The following SLC7A1 variants were observed in gnomAD, a reference collection of about 807,000 sequenced individuals.
SLC7A1 encodes the protein high affinity cationic amino acid transporter 1.
A neutral mutation model predicts 53.9 loss-of-function variants in SLC7A1; 10 were observed. The ratio of observed to expected loss-of-function variants is 0.19; its 90% CI spans 0.11 to 0.31. The LOEUF (loss-of-function observed/expected upper bound fraction) is 0.31, where lower values mean the gene tolerates loss of function less well. Ranked by LOEUF, SLC7A1 falls within the 10% of genes least tolerant of loss-of-function variation. The pLI is 1.00. For missense variants in SLC7A1, 525 were observed against 827.2 expected (o/e 0.63, Z 4.48); for synonymous variants, 342 against 338.7 (o/e 1.01, Z -0.11).
intron 4 of SLC7A1, among the ~76,000 whole-genome samples, chr13:29,532,554 C>T (rs1245779229): frequency 6.6e-6 from 1 of 152,188 alleles, no homozygotes; most frequent in Admixed American, 6.5e-5. Flanking sequence ...AAATCTTATT[C>T]CACAAACAGC....
chr13:29,541,521 C>T (rs1005812225), intron 2 of SLC7A1, among the ~76,000 whole-genome samples: 2 of 152,100 alleles, frequency 1.3e-5, no homozygotes, highest in East Asian at 1.9e-4. Flanking sequence ...CCAATTTGGG[C>T]GTGAGGGGCA....
chr13:29,516,081 A>G, intron 12 of SLC7A1, 57 bp downstream of exon 12: 1 of 1,054,402 alleles, frequency 9.5e-7, no homozygotes, highest in African/African-American at 1.6e-5. Flanking sequence ...ATCTGAAACA[A>G]GGGAGACCCC....
intron 1 of SLC7A1, among the ~76,000 whole-genome samples, chr13:29,559,857 A>G (rs887902366): frequency 4.0e-5 from 6 of 151,852 alleles, no homozygotes; most frequent in Non-Finnish European, 8.8e-5. Context: ...CTGGGACTAC[A>G]GGCGCCCGCC....
intron 1 of SLC7A1, among the ~76,000 whole-genome samples, chr13:29,555,357 CAAAAAAAAAAAAAAAAA>C (rs538934310): frequency 5.3e-5 from 1 of 18,780 alleles, no homozygotes; most frequent in Non-Finnish European, 1.2e-4. Context: ...GACTCCGTCT[CAAAAAAAAAAAAAAAAA>C]AAAAAAAGAA....
intron 1 of SLC7A1, among the ~76,000 whole-genome samples, chr13:29,584,422 C>T (rs1267306113): frequency 1.3e-5 from 2 of 152,180 alleles, no homozygotes; most frequent in African/African-American, 2.4e-5. Context: ...GCTGGGATTA[C>T]AGGTATGAGC....
At chr13:29,588,015 T>C (rs1871958284) in intron 1 of SLC7A1, among the ~76,000 whole-genome samples, 1 of 152,262 alleles carries the variant, frequency 6.6e-6, no homozygotes, top group African/African-American at 2.4e-5. Flanking sequence ...CTCCTTCTTT[T>C]AATTTTCTGT....
At chr13:29,594,556 G>C (rs9508501) in intron 1 of SLC7A1, among the ~76,000 whole-genome samples, 9 of 152,222 alleles carry the variant, frequency 5.9e-5, no homozygotes, top group Non-Finnish European at 8.8e-5. Flanking sequence ...GCAGGTTTTA[G>C]AATGACTCTG....
At chr13:29,549,061 T>C (rs1456118968) in intron 2 of SLC7A1, among the ~76,000 whole-genome samples, 1 of 152,238 alleles carries the variant, frequency 6.6e-6, no homozygotes, top group African/African-American at 2.4e-5. Context: ...CTTGCCTGTC[T>C]TCAGTCTTCA....
At chr13:29,547,775 C>T (rs757859120) in intron 2 of SLC7A1, among the ~76,000 whole-genome samples, 4 of 152,176 alleles carry the variant, frequency 2.6e-5, no homozygotes, top group Non-Finnish European at 4.4e-5. Flanking sequence ...AGCTGATAAG[C>T]GGGTACACGG....
At chr13:29,553,587 C>T (rs1870298709) in intron 2 of SLC7A1, among the ~76,000 whole-genome samples, 174 bp downstream of exon 2, 1 of 152,172 alleles carries the variant, frequency 6.6e-6, no homozygotes, top group Non-Finnish European at 1.5e-5. Flanking sequence ...CAGGTAGCCA[C>T]ATGAGTCTGA....
In SLC7A1 at chr13:29,535,826, G is replaced by A; in HGVS notation, c.363C>T (p.Tyr121=). The change falls in exon 3 of 13, where the codon TAC becomes TAT. Residue 121 remains tyrosine (Y), a synonymous_variant. Coordinates refer to ENST00000380752, the MANE Select transcript of SLC7A1 (RefSeq NM_003045.5). The stretch of plus-strand genomic sequence containing the variant: ...CGGACCCCTGGGACCTACCGATGAT[G>A]TAGGAGAGGATTAAGTTCCAGCCGG... ...FITGWNLILS[Y]IIGTSSVARA... The A allele has an allele frequency of 6.2e-7, 1 of 1,613,682 alleles. No individual in the cohort carries two copies. The highest frequency in any genetic ancestry group is 8.5e-7 in the Non-Finnish European group (1 of 1,179,614).
At chr13:29,516,402 CCACACACAGCCCGCACCCAAA>C (rs1423797244) in intron 11 of SLC7A1, among the ~76,000 whole-genome samples, 156 bp from the exon 12 acceptor site, 1 of 152,160 alleles carries the variant, frequency 6.6e-6, no homozygotes, top group East Asian at 1.9e-4. Flanking sequence ...CTCCCACACC[CCACACACAGCCCGCACCCAAA>C]CACACACACA....
chr13:29,576,292 T>TAAAAAAA lies in SLC7A1; in HGVS notation c.-115+19123_-115+19124insTTTTTTT, dbSNP rs146432104. ...GGGTATCAGTATGAGATCCTGTTTT[T>TAAAAAAA]TAAAAAAAAAAAAAAGGAAAGAAAA... is the stretch of plus-strand genomic sequence containing the variant. On this transcript the variant is annotated intron_variant, in intron 1 of 12. Transcript: ENST00000380752. Among the ~76,000 whole-genome samples, 855 of 107,154 alleles carry TAAAAAAA rather than the reference T, an allele frequency of 8.0e-3. 21 individuals carry two copies. The highest frequency in any genetic ancestry group is 8.5e-3 in the Non-Finnish European group (500 of 58,906). 70.3% of individuals were successfully genotyped at this position (107,154 alleles called of 152,430 possible).
chr13:29,549,327 G>A (rs995515499), intron 2 of SLC7A1, among the ~76,000 whole-genome samples: 8 of 152,204 alleles, frequency 5.3e-5, no homozygotes, highest in Non-Finnish European at 1.2e-4. Flanking sequence ...TGCGGGACCA[G>A]TGCCATTCCT....
chr13:29,592,183 C>A (rs1457432526), intron 1 of SLC7A1, among the ~76,000 whole-genome samples: 1 of 152,166 alleles, frequency 6.6e-6, no homozygotes, highest in Non-Finnish European at 1.5e-5. Context: ...GCTGTGAAGG[C>A]CTCTTCCCTC....
intron 3 of SLC7A1, among the ~76,000 whole-genome samples, chr13:29,535,357 C>A (rs2150692): frequency 0.74 from 112,211 of 151,832 alleles, 42,830 homozygotes; most frequent in Non-Finnish European, 0.85. Context: ...AAGAGATACA[C>A]TGTAGAAAAA....
intron 5 of SLC7A1, among the ~76,000 whole-genome samples, chr13:29,525,227 C>G (rs1290680000): frequency 6.6e-6 from 1 of 152,234 alleles, no homozygotes; most frequent in African/African-American, 2.4e-5. Flanking sequence ...AGCAATTGCA[C>G]TCCTTGTGGT....
At chr13:29,561,192 G>T (rs1397663847) in intron 1 of SLC7A1, among the ~76,000 whole-genome samples, 1 of 152,168 alleles carries the variant, frequency 6.6e-6, no homozygotes, top group Non-Finnish European at 1.5e-5. Flanking sequence ...AAACACTAAT[G>T]ACGGCAGCAC....
chr13:29,530,869 A>G (rs1247945596), intron 4 of SLC7A1, among the ~76,000 whole-genome samples, 157 bp from the exon 5 acceptor site: 2 of 152,144 alleles, frequency 1.3e-5, no homozygotes, highest in Non-Finnish European at 2.9e-5. Context: ...TGGATTAATT[A>G]TCTTTCTGGG....
Sources: gnomAD v4.1 joint callset for allele counts (sites outside exome capture counted in the v4.1 genomes callset) on GRCh38, gnomAD v4.1.1 for gene constraint, MANE v1.5 for transcripts, NCBI Gene and HGNC (gene_info 2026-07-23, HGNC 2026-07-21) for gene names.